The following SLC30A8 variants were observed in gnomAD, a reference collection of about 807,000 sequenced individuals.
SLC30A8 encodes the protein solute carrier family 30 member 8, also known as proton-coupled zinc antiporter SLC30A8.
SLC30A8 carries 27 observed loss-of-function variants against 36.9 expected under a neutral mutation model. That is an observed-to-expected ratio of 0.73 (90% CI 0.54 to 1.01). The LOEUF (loss-of-function observed/expected upper bound fraction) is 1.01. SLC30A8 is among the 50% of genes least tolerant of loss of function. The pLI is 0.00. For missense variants in SLC30A8, 439 were observed against 452.0 expected (o/e 0.97, Z 0.26); for synonymous variants, 164 against 172.4 (o/e 0.95, Z 0.38).
chr8:117,164,503 G>A (rs2129696886), intron 6 of SLC30A8, among the ~76,000 whole-genome samples: 1 of 152,292 alleles, frequency 6.6e-6, no homozygotes, highest in East Asian at 1.9e-4. Flanking sequence ...GAGGCTGGGA[G>A]GCAGAGGCTG....
intron 1 of SLC30A8, among the ~76,000 whole-genome samples, chr8:117,015,776 T>C (rs147673618): frequency 5.6e-4 from 86 of 152,250 alleles, no homozygotes; most frequent in African/African-American, 1.9e-3. Context: ...ATAATAAATA[T>C]AGCAGATGAC....
At chr8:117,140,417 TCAAG>T (rs1439462635) in intron 1 of SLC30A8, among the ~76,000 whole-genome samples, 2 of 152,018 alleles carry the variant, frequency 1.3e-5, no homozygotes, top group African/African-American at 4.8e-5. Context: ...CTAAGAAGAA[TCAAG>T]CAAATAGATT....
chr8:117,008,939 CA>C (rs1200591725), intron 1 of SLC30A8, among the ~76,000 whole-genome samples: 3 of 152,100 alleles, frequency 2.0e-5, no homozygotes, highest in South Asian at 2.1e-4. Flanking sequence ...TGATGTTGGG[CA>C]ATCTACCTAT....
chr8:117,054,789 T>A (rs1817819446), intron 2 of SLC30A8, among the ~76,000 whole-genome samples: 1 of 152,142 alleles, frequency 6.6e-6, no homozygotes, highest in Non-Finnish European at 1.5e-5. Context: ...CAGAAAAATC[T>A]GTTTTCAATA....
rs139999213 is a variant in SLC30A8 at position 117,172,647 on chromosome 8, C to T, written c.1076C>T (p.Pro359Leu). Reference protein sequence around the residue: ...IQMESPVDQDPDCLFCEDPCD With the variant: ...IQMESPVDQDLDCLFCEDPCD ...ATGGAATCTCCAGTTGACCAGGACC[C>T]CGACTGCCTTTTCTGTGAAGACCCC... The change falls in exon 8 of 8, where the codon CCC becomes CTC. Residue 359 changes from proline to leucine, a missense_variant. By Grantham distance (98) the Pro-to-Leu change is moderately conservative (BLOSUM62 -3). Coordinates refer to ENST00000456015, the MANE Select transcript of SLC30A8 (RefSeq NM_173851.3). 6.9e-5 allele frequency: 111 copies of T among 1,613,734 alleles called. No individual in the cohort carries two copies. The African/African-American group carries it at 1.4e-3, about 20-fold the overall frequency.
At chr8:116,951,713 C>CT (rs941474809) in intron 1 of SLC30A8, among the ~76,000 whole-genome samples, 31 of 152,200 alleles carry the variant, frequency 2.0e-4, no homozygotes, top group Middle Eastern at 3.4e-3. Context: ...CAGCATGAAT[C>CT]TAACAGTGCA....
chr8:117,164,761 G>A (rs550923723), intron 6 of SLC30A8, among the ~76,000 whole-genome samples: 189 of 152,178 alleles, frequency 1.2e-3, no homozygotes, highest in African/African-American at 4.5e-3. Flanking sequence ...CAGAGGCTTT[G>A]CTAAGGCCTG....
rs575461993 is a variant in SLC30A8 at position 117,165,170 on chromosome 8, C to T, written c.829+1640C>T. Among the ~76,000 whole-genome samples the T allele has an allele frequency of 6.6e-5, 10 of 152,320 alleles. No homozygotes were observed. In the East Asian group the frequency reaches 1.7e-3, roughly 27 times the overall value. On this transcript the variant is annotated intron_variant, in intron 6 of 7. Coordinates refer to ENST00000456015, the MANE Select transcript of SLC30A8 (RefSeq NM_173851.3). ...ATGCAAGTTTCTAGCTGTGAGACCT[C>T]AGACAATCTCCTCTGAACTTCAGTT...
intron 2 of SLC30A8, among the ~76,000 whole-genome samples, chr8:117,045,111 TG>T (rs557695138): frequency 2.4e-4 from 37 of 152,338 alleles, no homozygotes; most frequent in Admixed American, 7.2e-4. Context: ...GCGGTGTAAC[TG>T]GGAGCCAGCC....
chr8:117,138,431 A>C (rs1821472877), intron 1 of SLC30A8, among the ~76,000 whole-genome samples: 1 of 152,026 alleles, frequency 6.6e-6, no homozygotes, highest in Non-Finnish European at 1.5e-5. Flanking sequence ...TGTTCTTCCC[A>C]AGCTCAGTAT....
intron 2 of SLC30A8, among the ~76,000 whole-genome samples, chr8:117,045,331 T>TC (rs1452835283): frequency 6.6e-6 from 1 of 152,042 alleles, no homozygotes; most frequent in African/African-American, 2.4e-5. Context: ...CATTTCATCG[T>TC]TCCCCCACCG....
At chr8:117,028,545 CCA>C (rs1816940917) in intron 1 of SLC30A8, among the ~76,000 whole-genome samples, 3 of 129,646 alleles carry the variant, frequency 2.3e-5, no homozygotes, top group African/African-American at 6.1e-5. Flanking sequence ...CATCTTCTCA[CCA>C]CAGTTTTTTT....
intron 3 of SLC30A8, among the ~76,000 whole-genome samples, chr8:117,154,325 C>T (rs757199333): frequency 5.9e-5 from 9 of 152,144 alleles, no homozygotes; most frequent in South Asian, 2.1e-4. Context: ...GAGGAGGTTC[C>T]GGCTGAATAT....
At chr8:117,101,931 C>A (rs1819739961) in intron 2 of SLC30A8, among the ~76,000 whole-genome samples, 1 of 152,142 alleles carries the variant, frequency 6.6e-6, no homozygotes, top group Admixed American at 6.6e-5. Flanking sequence ...ATAAACTCCC[C>A]TTTATATATC....
At chr8:117,167,503 A>G (rs538022313) in intron 6 of SLC30A8, among the ~76,000 whole-genome samples, 1 of 143,110 alleles carries the variant, frequency 7.0e-6, no homozygotes, top group African/African-American at 2.5e-5. Flanking sequence ...ACATACATAC[A>G]TGTATATGTA....
intron 2 of SLC30A8, among the ~76,000 whole-genome samples, chr8:117,128,998 C>T (rs1586560464): frequency 6.6e-6 from 1 of 152,042 alleles, no homozygotes; most frequent in Non-Finnish European, 1.5e-5. Flanking sequence ...TCAGCAGTAA[C>T]GTTAGTTAAA....
intron 1 of SLC30A8, among the ~76,000 whole-genome samples, chr8:117,024,842 G>C (rs1482161639): frequency 2.6e-5 from 4 of 151,770 alleles, no homozygotes; most frequent in Non-Finnish European, 5.9e-5. Context: ...GGGTACTTGT[G>C]CAAGATTTTC....
intron 1 of SLC30A8, among the ~76,000 whole-genome samples, chr8:116,977,490 AC>A (rs1488870821): frequency 2.1e-5 from 3 of 143,052 alleles, no homozygotes. Flanking sequence ...TATTGTAGAC[AC>A]ACTGTTACTA....
chr8:117,147,183 A>G (rs1329645631), intron 2 of SLC30A8, 30 bp downstream of exon 2: 2 of 1,591,886 alleles, frequency 1.3e-6, no homozygotes, highest in Non-Finnish European at 1.7e-6. Flanking sequence ...TTTTTCATTA[A>G]ACAACCAAAC....
Sources: allele counts gnomAD v4.1 joint callset (sites outside exome capture counted in the v4.1 genomes callset), GRCh38; gene constraint gnomAD v4.1.1; transcripts MANE v1.5; gene names NCBI Gene and HGNC (gene_info 2026-07-23, HGNC 2026-07-21).